CDH8: variants seen among roughly 807,000 people sequenced by gnomAD.
CDH8 encodes cadherin 8.
Under a neutral mutation model 68.1 loss-of-function variants are expected in CDH8, and 17 were observed. The observed-to-expected ratio is 0.25, with a 90% CI of 0.17 to 0.37. CDH8 has a LOEUF of 0.37. Ranked by LOEUF, CDH8 falls within the 10% of genes least tolerant of loss-of-function variation. The pLI is 1.00. For synonymous variants in CDH8, 372 were observed against 365.1 expected (o/e 1.02, Z -0.21); for missense variants, 763 against 999.3 (o/e 0.76, Z 3.19).
intron 2 of CDH8, among the ~76,000 whole-genome samples, chr16:61,958,046 A>C (rs759108203): frequency 3.9e-5 from 6 of 152,160 alleles, no homozygotes; most frequent in Non-Finnish European, 8.8e-5. Context: ...CATTCTAGGG[A>C]CTGAATAGAG....
intron 8 of CDH8, among the ~76,000 whole-genome samples, chr16:61,788,165 T>A (rs1000372288): frequency 3.3e-5 from 5 of 151,940 alleles, no homozygotes; most frequent in Non-Finnish European, 7.4e-5. Context: ...TTTATAAGGC[T>A]TGGTAGAGGA....
chr16:61,986,949 C>A (rs1965639286), intron 2 of CDH8, among the ~76,000 whole-genome samples: 1 of 152,188 alleles, frequency 6.6e-6, no homozygotes, highest in Non-Finnish European at 1.5e-5. Flanking sequence ...GGCTGACCTA[C>A]TGATTATTCG....
Position 61,734,468 on chromosome 16 carries a change from AGTTT to A in CDH8, c.1415-7257_1415-7254del, listed in dbSNP as rs142490930. Reference sequence around the variant, plus strand: ...CTCCCTTTCTAGGGCCATTTTCCAGAGTTTGTATTTTCGTGGCACTTCTGTCCAT... The same window carrying A: ...CTCCCTTTCTAGGGCCATTTTCCAGAGTATTTTCGTGGCACTTCTGTCCAT... On this transcript the variant is annotated intron_variant, in intron 8 of 11. Transcript: ENST00000577390. Among the ~76,000 whole-genome samples the A allele has an allele frequency of 5.1e-3, 782 of 152,020 alleles. 4 individuals are homozygous for A. The highest frequency in any genetic ancestry group is 0.018 in the African/African-American group (734 of 41,472).
intron 2 of CDH8, among the ~76,000 whole-genome samples, chr16:61,988,196 A>C (rs577832014): frequency 6.6e-6 from 1 of 151,676 alleles, no homozygotes; most frequent in Non-Finnish European, 1.5e-5. Context: ...ACTCAAACAT[A>C]AGAAGTTATA....
chr16:61,972,479 G>T (rs775433437), intron 2 of CDH8, among the ~76,000 whole-genome samples: 5 of 151,962 alleles, frequency 3.3e-5, no homozygotes, highest in African/African-American at 7.3e-5. Flanking sequence ...GGATAGAGTC[G>T]TGTTGAGATC....
At chr16:62,034,374 T>A (rs190206073) in intron 1 of CDH8, among the ~76,000 whole-genome samples, 1 of 152,126 alleles carries the variant, frequency 6.6e-6, no homozygotes. Context: ...CACTTTCGAA[T>A]CTTACATAAA....
At chr16:62,020,203 T>G (rs538247006) in intron 2 of CDH8, among the ~76,000 whole-genome samples, 1 of 152,316 alleles carries the variant, frequency 6.6e-6, no homozygotes, top group African/African-American at 2.4e-5. Flanking sequence ...CCTCCTATTT[T>G]TCTTTTAAAT....
chr16:61,762,524 G>A (rs1056842162), intron 8 of CDH8, among the ~76,000 whole-genome samples: 1 of 152,082 alleles, frequency 6.6e-6, no homozygotes, highest in African/African-American at 2.4e-5. Context: ...ACTGGTCCAG[G>A]TCAATGGTTT....
At chr16:61,731,283 T>C (rs1338203912) in intron 8 of CDH8, among the ~76,000 whole-genome samples, 1 of 151,694 alleles carries the variant, frequency 6.6e-6, no homozygotes, top group East Asian at 1.9e-4. Context: ...AGAATGCAGA[T>C]AGAGTCAGCT....
chr16:61,744,431 T>A (rs1386760442), intron 8 of CDH8, among the ~76,000 whole-genome samples: 1 of 152,074 alleles, frequency 6.6e-6, no homozygotes, highest in Non-Finnish European at 1.5e-5. Flanking sequence ...TGTAGTCAGA[T>A]CTTGTTTCAA....
intron 10 of CDH8, among the ~76,000 whole-genome samples, chr16:61,679,672 T>C (rs1963976961): frequency 6.6e-6 from 1 of 151,986 alleles, no homozygotes; most frequent in South Asian, 2.1e-4. Context: ...TGTTTGTCAT[T>C]GGCATCCAAA....
At chr16:61,756,537 A>G (rs931792604) in intron 8 of CDH8, among the ~76,000 whole-genome samples, 2 of 152,292 alleles carry the variant, frequency 1.3e-5, no homozygotes, top group South Asian at 4.1e-4. Context: ...GAATAACTGG[A>G]AATTGTAATT....
chr16:61,654,030 C>T lies in CDH8; in HGVS notation c.1978G>A (p.Val660Ile). The T allele has an allele frequency of 6.2e-7, 1 of 1,614,070 alleles. No individual in the cohort carries two copies. ...TCGTAGCGAATGATGTTTTCTCGAA[C>T]GTCTTCATCATCTTTGATAATTAAT... is the stretch of plus-strand genomic sequence containing the variant. Reference protein sequence around the residue: ...EPLIIKDDEDVRENIIRYDDE... With the variant: ...EPLIIKDDEDIRENIIRYDDE... The change falls in exon 12 of 12, where the codon GTT becomes ATT. Residue 660 changes from valine to isoleucine, a missense_variant. Val to Ile is a conservative substitution (Grantham distance 29). Coordinates refer to ENST00000577390, the MANE Select transcript of CDH8 (RefSeq NM_001796.5).
chr16:61,663,557 C>A (rs1963610391), intron 10 of CDH8, among the ~76,000 whole-genome samples: 1 of 152,018 alleles, frequency 6.6e-6, no homozygotes, highest in Non-Finnish European at 1.5e-5. Flanking sequence ...TAGCACAGGA[C>A]TTGGCATAGA....
At chr16:61,861,231 G>A (rs1442460221) in intron 3 of CDH8, among the ~76,000 whole-genome samples, 1 of 152,142 alleles carries the variant, frequency 6.6e-6, no homozygotes. Flanking sequence ...AGTTAAAAAT[G>A]CCTGTAGTGT....
intron 2 of CDH8, among the ~76,000 whole-genome samples, chr16:62,008,603 C>T (rs561888868): frequency 1.6e-4 from 25 of 152,118 alleles, no homozygotes; most frequent in African/African-American, 5.8e-4. Flanking sequence ...CGGGCTCAGG[C>T]GATCCTCACA....
In CDH8 at chr16:61,653,558, C is replaced by T. The variant is rs1453410663; in HGVS notation, c.*50G>A. 7.1e-6 allele frequency: 11 copies of T among 1,550,750 alleles called. No individual in the cohort carries two copies. Among genetic ancestry groups the T allele is most frequent in the African/African-American group, 6.9e-5 (5 of 72,890 alleles). On this transcript the variant is annotated 3_prime_UTR_variant, in exon 12 of 12. Transcript: ENST00000577390. ...TTGGTTGTATCTAAGGGGAGTGACC[C>T]TAGAATATTACAGAATGCTCAGTTC...
At chr16:61,987,672 C>T (rs1965651135) in intron 2 of CDH8, among the ~76,000 whole-genome samples, 2 of 151,946 alleles carry the variant, frequency 1.3e-5, no homozygotes, top group Admixed American at 6.6e-5. Context: ...TCATACTTCT[C>T]TCATGACAAT....
intron 7 of CDH8, among the ~76,000 whole-genome samples, chr16:61,793,113 C>A (rs1961416735): frequency 6.6e-6 from 1 of 151,832 alleles, no homozygotes; most frequent in Non-Finnish European, 1.5e-5. Context: ...TAGCAAGCCC[C>A]CTTCCTCCAT....
Sources: allele counts gnomAD v4.1 joint callset (sites outside exome capture counted in the v4.1 genomes callset), GRCh38; gene constraint gnomAD v4.1.1; transcripts MANE v1.5; gene names NCBI Gene and HGNC (gene_info 2026-07-23, HGNC 2026-07-21).